PECR: variants seen among roughly 807,000 people sequenced by gnomAD.
PECR encodes peroxisomal trans-2-enoyl-CoA reductase.
In PECR, 30 loss-of-function variants were observed where a neutral mutation model predicts 35.3. The ratio of observed to expected loss-of-function variants is 0.85; its 90% confidence interval spans 0.64 to 1.15. PECR has a LOEUF of 1.15. PECR is among the 50% of genes most tolerant of loss of function. The pLI is 0.00. For missense variants in PECR, 392 were observed against 370.8 expected (o/e 1.06, Z -0.47); for synonymous variants, 148 against 138.9 (o/e 1.07, Z -0.46).
rs796955114 is a variant in PECR, at chr2:216,031,527, AAAAG to A, written c.*440+7660_*440+7663del. On this transcript the variant is annotated intron_variant and NMD_transcript_variant, in intron 7 of 7. Transcript: ENST00000442122. The stretch of plus-strand genomic sequence containing the variant: ...AGAGAGAAAGGAAGGAAGGGAAAAG[AAAAG>A]AAAGAAGGAAGGAAGGAAAGAGGGA... Among the ~76,000 whole-genome samples the A allele has an allele frequency of 3.3e-3, 491 of 150,348 alleles. 5 individuals carry two copies. Among genetic ancestry groups the A allele is most frequent in the African/African-American group, 0.011 (461 of 40,926 alleles).
At chr2:216,060,194 G>A (rs916239326) in intron 3 of PECR, among the ~76,000 whole-genome samples, 3 of 151,992 alleles carry the variant, frequency 2.0e-5, no homozygotes, top group Admixed American at 6.6e-5. Context: ...AAAACCATTT[G>A]ATTTTAGCAC....
chr2:216,031,695 A>AG (rs1559204167), intron 7 of PECR, among the ~76,000 whole-genome samples: 3 of 106,956 alleles, frequency 2.8e-5, no homozygotes, highest in African/African-American at 1.1e-4. Context: ...AAGAAAGAGA[A>AG]AGAAAGAAAG....
intron 3 of PECR, among the ~76,000 whole-genome samples, chr2:216,061,572 T>C (rs1392398390): frequency 1.3e-5 from 2 of 152,002 alleles, no homozygotes; most frequent in Non-Finnish European, 2.9e-5. Flanking sequence ...ATATATACCA[T>C]ATATGAAGGG....
At chr2:216,039,758 C>CA (rs1353152281) in intron 7 of PECR, among the ~76,000 whole-genome samples, 1 of 152,192 alleles carries the variant, frequency 6.6e-6, no homozygotes, top group Non-Finnish European at 1.5e-5. Context: ...CTTGCCTCTC[C>CA]AGCATCCAGG....
intron 1 of PECR, among the ~76,000 whole-genome samples, chr2:216,073,789 A>C (rs1205093574): frequency 6.6e-6 from 1 of 152,186 alleles, no homozygotes; most frequent in Non-Finnish European, 1.5e-5. Context: ...GCCTAGAAGC[A>C]ATAGGCTATT....
chr2:216,067,563 CTT>C (rs202088759), intron 1 of PECR, among the ~76,000 whole-genome samples: 4 of 143,806 alleles, frequency 2.8e-5, no homozygotes, highest in Admixed American at 1.4e-4. Context: ...TTTTCTTTTT[CTT>C]TTTTTTTTTT....
intron 1 of PECR, among the ~76,000 whole-genome samples, chr2:216,070,643 G>A (rs183539973): frequency 2.4e-4 from 37 of 152,320 alleles, no homozygotes; most frequent in Admixed American, 1.6e-3. Context: ...TTTAAAGGAA[G>A]GGGCCAGGGG....
Position 216,046,759 on chromosome 2 carries a change from T to C in PECR, c.714+2504A>G, listed in dbSNP as rs369093508. ...TTTGATTTAACAGTATCTTCCAAAATACAATGCAAGTCTATTTTGGTTCAG... is the reference window on the plus strand; with the variant it reads ...TTTGATTTAACAGTATCTTCCAAAACACAATGCAAGTCTATTTTGGTTCAG... On this transcript the variant is annotated intron_variant, in intron 6 of 7. Coordinates refer to ENST00000265322, the MANE Select transcript of PECR (RefSeq NM_018441.6). Among the ~76,000 whole-genome samples the C allele has an allele frequency of 6.4e-4, 98 of 152,310 alleles. 2 individuals are homozygous for C. In the South Asian group the frequency reaches 0.019, roughly 29 times the overall value.
In PECR at chr2:216,067,447, C is replaced by G. The variant is rs79168439; in HGVS notation, c.125-929G>C. On this transcript the variant is annotated intron_variant, in intron 1 of 7. Coordinates refer to ENST00000265322, the MANE Select transcript of PECR (RefSeq NM_018441.6). ...ATGGCTTCTGCAGTGAGGCAAAATT[C>G]ACCATAGACTAAAGGCTGCTCAGAT... Among the ~76,000 whole-genome samples the G allele has an allele frequency of 7.3e-3, 1,110 of 152,266 alleles. 9 individuals carry two copies. The highest frequency in any genetic ancestry group is 0.025 in the African/African-American group (1,053 of 41,548).
rs187458808 is a variant in PECR at position 216,032,534 on chromosome 2, C to G, written c.*440+6657G>C. Among the ~76,000 whole-genome samples, 51 of 152,288 alleles carry G rather than the reference C, an allele frequency of 3.3e-4. No homozygotes were observed. In the East Asian group the frequency reaches 5.4e-3, roughly 16 times the overall value. ...GCTGACCAGGGGTACAGGGGTCTTCCTAGGGCCTGCAGAGCAGAATCCAGG... is the reference window on the plus strand; with the variant it reads ...GCTGACCAGGGGTACAGGGGTCTTCGTAGGGCCTGCAGAGCAGAATCCAGG... On this transcript the variant is annotated intron_variant and NMD_transcript_variant, in intron 7 of 7. Coordinates refer to the PECR transcript ENST00000442122.
At chr2:216,062,839 G>A (rs1218291852) in intron 3 of PECR, among the ~76,000 whole-genome samples, 3 of 152,168 alleles carry the variant, frequency 2.0e-5, no homozygotes, top group Admixed American at 6.6e-5. Flanking sequence ...TCTATGTCGA[G>A]ATACACAAAT....
At chr2:216,054,242 G>A (rs1421675874) in intron 4 of PECR, among the ~76,000 whole-genome samples, 7 of 146,598 alleles carry the variant, frequency 4.8e-5, no homozygotes, top group South Asian at 2.1e-4. Flanking sequence ...AGCCGAGATC[G>A]CACCATTGCA....
At chr2:216,039,897 T>C (rs1026484611) in intron 7 of PECR, among the ~76,000 whole-genome samples, 2 of 152,180 alleles carry the variant, frequency 1.3e-5, no homozygotes, top group African/African-American at 4.8e-5. Flanking sequence ...CAGTTATTGG[T>C]TGGAAATGGA....
chr2:216,057,942 TAG>T (rs973748322), intron 4 of PECR: 4 of 152,166 alleles, frequency 2.6e-5, no homozygotes, highest in African/African-American at 9.7e-5. Flanking sequence ...TAAGAACAGC[TAG>T]AGTGTTGACC....
At chr2:216,063,625 A>C (rs2105960595) in intron 3 of PECR, among the ~76,000 whole-genome samples, 1 of 152,278 alleles carries the variant, frequency 6.6e-6, no homozygotes, top group South Asian at 2.1e-4. Context: ...CTCAAAAAGA[A>C]AAAAAAGAAA....
chr2:216,053,088 A>G lies in PECR; in HGVS notation c.507-1543T>C, dbSNP rs199946455. Among the ~76,000 whole-genome samples, 3 of 152,248 alleles carry G rather than the reference A, an allele frequency of 2.0e-5. No individual in the cohort carries two copies. The East Asian group carries it at 5.8e-4, about 29-fold the overall frequency. ...AGGCTGGTCTCAAACTCCTGACCTC[A>G]GATGATCTGCCCGCCTCAGCCTCCC... On this transcript the variant is annotated intron_variant, in intron 4 of 7. Transcript: ENST00000265322.
At chr2:216,036,030 C>T (rs1191558832), downstream of PECR, among the ~76,000 whole-genome samples, 1 of 152,222 alleles carries the variant, frequency 6.6e-6, no homozygotes, top group Non-Finnish European at 1.5e-5. Context: ...CCTGCAGGGA[C>T]TCAGACACCA....
At chr2:216,046,310 A>G (rs62181303) in intron 6 of PECR, among the ~76,000 whole-genome samples, 46 of 96,974 alleles carry the variant, frequency 4.7e-4, no homozygotes, top group African/African-American at 1.9e-3. Context: ...ATATATATAT[A>G]TTTTTTTTTT....
intron 3 of PECR, among the ~76,000 whole-genome samples, chr2:216,061,081 C>A (rs1250988497): frequency 1.4e-5 from 2 of 144,650 alleles, no homozygotes; most frequent in African/African-American, 2.6e-5. Context: ...GGCTTCAGCC[C>A]AGGAGTTTGA....
Sources: allele counts gnomAD v4.1 joint callset (sites outside exome capture counted in the v4.1 genomes callset), GRCh38; gene constraint gnomAD v4.1.1; transcripts MANE v1.5; gene names NCBI Gene and HGNC (gene_info 2026-07-23, HGNC 2026-07-21).